The following DENND1A variants were observed in gnomAD, a reference collection of about 807,000 sequenced individuals.
DENND1A encodes the protein DENN domain-containing protein 1A.
A neutral mutation model predicts 113.7 loss-of-function variants in DENND1A; 51 were observed. The ratio of observed to expected loss-of-function variants is 0.45; its 90% CI spans 0.36 to 0.57. The LOEUF is 0.57. DENND1A is among the 20% of genes least tolerant of loss of function. The pLI is 0.00. For missense variants in DENND1A, 1,258 were observed against 1,395.9 expected (o/e 0.90, Z 1.57); for synonymous variants, 565 against 570.8 (o/e 0.99, Z 0.14).
chr9:123,854,282 G>C (rs1013118973), intron 2 of DENND1A, among the ~76,000 whole-genome samples: 2 of 152,126 alleles, frequency 1.3e-5, no homozygotes, highest in Non-Finnish European at 2.9e-5. Context: ...ACTGTTCCTT[G>C]ATCCCAATCA....
chr9:123,620,234 A>AAAAAG (rs1343852139), intron 10 of DENND1A, among the ~76,000 whole-genome samples: 3 of 146,422 alleles, frequency 2.0e-5, no homozygotes, highest in South Asian at 4.3e-4. Flanking sequence ...AAAAAAAAAA[A>AAAAAG]AAAAGAAAAG....
chr9:123,527,090 C>G (rs1349877651), intron 13 of DENND1A, among the ~76,000 whole-genome samples: 4 of 152,156 alleles, frequency 2.6e-5, no homozygotes, highest in African/African-American at 9.7e-5. Flanking sequence ...TCTTGTTTTA[C>G]TTTTCTCTCT....
chr9:123,890,884 A>G (rs1280881610), intron 1 of DENND1A, among the ~76,000 whole-genome samples: 3 of 152,142 alleles, frequency 2.0e-5, no homozygotes, highest in Non-Finnish European at 1.5e-5. Flanking sequence ...ATACACTAAA[A>G]TGCACTCATT....
At chr9:123,601,480 C>A (rs1159861373) in intron 11 of DENND1A, among the ~76,000 whole-genome samples, 1 of 152,216 alleles carries the variant, frequency 6.6e-6, no homozygotes, top group Non-Finnish European at 1.5e-5. Context: ...GCAGAGCCTG[C>A]TGCGTTTGCA....
At chr9:123,810,393 A>G (rs929150045) in intron 2 of DENND1A, among the ~76,000 whole-genome samples, 4 of 152,028 alleles carry the variant, frequency 2.6e-5, no homozygotes, top group African/African-American at 9.7e-5. Context: ...TGGGGAAGGC[A>G]GGTACACAAA....
At chr9:123,424,900 C>T (rs1298073693) in intron 19 of DENND1A, among the ~76,000 whole-genome samples, 1 of 152,222 alleles carries the variant, frequency 6.6e-6, no homozygotes. Context: ...CCCCTTTTTA[C>T]TCTCCATCTC....
At position 123,538,815 on chromosome 9, in the gene DENND1A, T is replaced by C. The variant is rs1463031907; in HGVS notation, c.993+18755A>G. ...CCAAAGGTGACAACTCATACATATATATATATATATATATATATATATATA... is the reference window on the plus strand; with the variant it reads ...CCAAAGGTGACAACTCATACATATACATATATATATATATATATATATATA... On this transcript the variant is annotated intron_variant, in intron 13 of 23. Transcript: ENST00000394215. 3.4e-3 allele frequency among the ~76,000 whole-genome samples: 138 copies of C among 40,766 alleles called. 2 individuals carry two copies. Among genetic ancestry groups the C allele is most frequent in the South Asian group, 7.4e-3 (7 of 946 alleles). 26.7% of individuals were successfully genotyped at this position (40,766 alleles called of 152,430 possible).
At chr9:123,672,561 T>C (rs1351224418) in intron 6 of DENND1A, among the ~76,000 whole-genome samples, 1 of 152,246 alleles carries the variant, frequency 6.6e-6, no homozygotes, top group Non-Finnish European at 1.5e-5. Context: ...GTTCATGTGT[T>C]GACAATTTAA....
chr9:123,810,549 C>CAAAAAAAAAAAAAAAAAA (rs1159557273), intron 2 of DENND1A, among the ~76,000 whole-genome samples: 3 of 46,436 alleles, frequency 6.5e-5, no homozygotes, highest in Non-Finnish European at 1.3e-4. Context: ...CATGTCTCTA[C>CAAAAAAAAAAAAAAAAAA]AAAAAAAAAA....
chr9:123,512,701 T>C (rs1464666255), intron 13 of DENND1A, among the ~76,000 whole-genome samples: 1 of 152,180 alleles, frequency 6.6e-6, no homozygotes, highest in African/African-American at 2.4e-5. Flanking sequence ...GTGCATAAGT[T>C]TGGCTGGCCG....
chr9:123,691,844 C>T (rs2065211768), intron 5 of DENND1A, among the ~76,000 whole-genome samples: 1 of 152,148 alleles, frequency 6.6e-6, no homozygotes, highest in South Asian at 2.1e-4. Flanking sequence ...AAATGAGGGC[C>T]TCCGTCAGTG....
intron 9 of DENND1A, among the ~76,000 whole-genome samples, chr9:123,640,113 C>T (rs527579103): frequency 2.6e-5 from 4 of 152,310 alleles, no homozygotes; most frequent in African/African-American, 9.6e-5. Flanking sequence ...ACTGAGTATC[C>T]ACTATGTGCA....
Position 123,752,864 on chromosome 9 carries a change from A to G in DENND1A, c.302+4839T>C, listed in dbSNP as rs2070182066. ...CATCCCTGTGTTTATGATGGAGACT[A>G]ACTAATCCGTAACTACTGTTCTCCT... On this transcript the variant is annotated intron_variant, in intron 5 of 23. Coordinates refer to ENST00000394215, the MANE Select transcript of DENND1A (RefSeq NM_001352964.2). Among the ~76,000 whole-genome samples the G allele has an allele frequency of 2.6e-5, 4 of 152,270 alleles. No individual in the cohort carries two copies. The South Asian group carries it at 8.3e-4, about 31-fold the overall frequency.
intron 10 of DENND1A, among the ~76,000 whole-genome samples, chr9:123,626,542 T>C (rs1244954732): frequency 6.6e-6 from 1 of 152,126 alleles, no homozygotes; most frequent in East Asian, 1.9e-4. Flanking sequence ...GTTTTGTTCC[T>C]TGTCCTCCCC....
rs371206995 is a variant in DENND1A, at chr9:123,676,680, G to A, written c.372+40C>T. 52 of 1,573,682 alleles carry A rather than the reference G, an allele frequency of 3.3e-5. No homozygotes were observed. The African/African-American group carries it at 5.6e-4, about 17-fold the overall frequency. ...TTACTTTTTCATCATAAAAATTAAA[G>A]CTTATTTGTTTAAAAGAATTATTTT... On this transcript the variant is annotated intron_variant, in intron 6 of 23. Transcript: ENST00000394215.
chr9:123,838,594 C>A (rs933795517), intron 2 of DENND1A, among the ~76,000 whole-genome samples: 1 of 152,126 alleles, frequency 6.6e-6, no homozygotes, highest in Non-Finnish European at 1.5e-5. Flanking sequence ...AACAATAGAT[C>A]AGACCCAAAG....
At chr9:123,560,698 A>AC (rs1468609995) in intron 12 of DENND1A, among the ~76,000 whole-genome samples, 1 of 151,712 alleles carries the variant, frequency 6.6e-6, no homozygotes, top group African/African-American at 2.4e-5. Flanking sequence ...TCAAAAAAAA[A>AC]AAAAAAGGAA....
chr9:123,787,058 G>A (rs1832293036), intron 3 of DENND1A, among the ~76,000 whole-genome samples: 1 of 152,078 alleles, frequency 6.6e-6, no homozygotes, highest in Non-Finnish European at 1.5e-5. Flanking sequence ...CCAATGTGAA[G>A]ACCCATGGTT....
At chr9:123,548,758 T>C (rs1436249079) in intron 13 of DENND1A, among the ~76,000 whole-genome samples, 1 of 152,250 alleles carries the variant, frequency 6.6e-6, no homozygotes, top group Non-Finnish European at 1.5e-5. Context: ...TTCTGATGCA[T>C]GCTATAACAC....
Sources: allele counts gnomAD v4.1 joint callset (sites outside exome capture counted in the v4.1 genomes callset), GRCh38; gene constraint gnomAD v4.1.1; transcripts MANE v1.5; gene names NCBI Gene and HGNC (gene_info 2026-07-23, HGNC 2026-07-21).